CCNY: variants seen among roughly 807,000 people sequenced by gnomAD.
CCNY encodes cyclin Y, also known as cyclin-Y.
Under a neutral mutation model 42.8 loss-of-function variants are expected in CCNY, and 19 were observed. The observed-to-expected ratio is 0.44, with a 90% CI of 0.31 to 0.65. The LOEUF (loss-of-function observed/expected upper bound fraction) is 0.65, where lower values mean the gene tolerates loss of function less well. Ranked by LOEUF, CCNY falls within the 30% of genes least tolerant of loss-of-function variation. The pLI is 0.07. For missense variants in CCNY, 370 were observed against 437.3 expected (o/e 0.85, Z 1.37); for synonymous variants, 165 against 162.7 (o/e 1.01, Z -0.11).
At chr10:35,507,167 A>C (rs937589235) in intron 3 of CCNY, among the ~76,000 whole-genome samples, 1 of 152,216 alleles carries the variant, frequency 6.6e-6, no homozygotes, top group African/African-American at 2.4e-5. Flanking sequence ...GGAGCATTCT[A>C]CTTGAAGCAG....
At chr10:35,480,444 A>G (rs192406055) in intron 1 of CCNY, among the ~76,000 whole-genome samples, 5 of 152,244 alleles carry the variant, frequency 3.3e-5, no homozygotes, top group Admixed American at 2.6e-4. Context: ...CGAGGGTGCC[A>G]TCGCTCAGGA....
At chr10:35,268,602 G>A (rs1260932907) in intron 3 of CCNY, among the ~76,000 whole-genome samples, 1 of 152,164 alleles carries the variant, frequency 6.6e-6, no homozygotes, top group East Asian at 1.9e-4. Flanking sequence ...ATTCTAGCCA[G>A]GGCTCTCTGC....
intron 1 of CCNY, among the ~76,000 whole-genome samples, chr10:35,368,861 GT>G (rs1185580343): frequency 2.0e-5 from 3 of 152,248 alleles, no homozygotes; most frequent in African/African-American, 7.2e-5. Context: ...GTGCTCGGAG[GT>G]ACCAGAGGAA....
rs568060323 is a variant in CCNY, at chr10:35,251,280, G to C, written c.-9+654G>C. On this transcript the variant is annotated intron_variant, in intron 3 of 11. Coordinates refer to the CCNY transcript ENST00000374706. The stretch of plus-strand genomic sequence containing the variant: ...TAAATATAATGTTACATACATATGA[G>C]CAAATATAATATTAAATTCCTTAGT... 1.5e-4 allele frequency among the ~76,000 whole-genome samples: 23 copies of C among 152,154 alleles called. No individual in the cohort carries two copies. The South Asian group carries it at 4.1e-3, about 27-fold the overall frequency.
intron 3 of CCNY, among the ~76,000 whole-genome samples, chr10:35,318,928 A>C (rs891313394): frequency 6.6e-6 from 1 of 152,166 alleles, no homozygotes; most frequent in Non-Finnish European, 1.5e-5. Context: ...ACTGATAATT[A>C]AATTTCCTTA....
chr10:35,548,559 G>T (rs893489810), intron 7 of CCNY, among the ~76,000 whole-genome samples: 2 of 152,028 alleles, frequency 1.3e-5, no homozygotes, highest in African/African-American at 4.8e-5. Flanking sequence ...GCCTCCCGAC[G>T]TGCTGGGATT....
chr10:35,418,283 CT>C (rs1276429603), intron 1 of CCNY, among the ~76,000 whole-genome samples: 1 of 152,086 alleles, frequency 6.6e-6, no homozygotes, highest in Non-Finnish European at 1.5e-5. Context: ...CTGTGTCTGC[CT>C]GTAGCCGGGG....
intron 5 of CCNY, among the ~76,000 whole-genome samples, chr10:35,526,617 C>A (rs1405471583): frequency 6.6e-6 from 1 of 151,570 alleles, no homozygotes; most frequent in Non-Finnish European, 1.5e-5. Context: ...ATTGGAGAAC[C>A]AAAATGTATT....
At chr10:35,557,773 A>G (rs746432394) in intron 8 of CCNY, among the ~76,000 whole-genome samples, 1 of 152,210 alleles carries the variant, frequency 6.6e-6, no homozygotes, top group African/African-American at 2.4e-5. Flanking sequence ...AAAAAAAGTC[A>G]GTATAAATTA....
chr10:35,311,333 CA>C (rs922775116), intron 3 of CCNY, among the ~76,000 whole-genome samples: 1 of 150,940 alleles, frequency 6.6e-6, no homozygotes, highest in African/African-American at 2.4e-5. Flanking sequence ...ACAACAACAA[CA>C]AAAAAATACA....
chr10:35,439,520 TTC>T (rs928682974), intron 1 of CCNY, among the ~76,000 whole-genome samples: 5 of 151,728 alleles, frequency 3.3e-5, no homozygotes, highest in African/African-American at 1.2e-4. Context: ...TGCTGCCTCT[TTC>T]TCTCTCTCTC....
chr10:35,496,590 G>A (rs972488787), intron 2 of CCNY, among the ~76,000 whole-genome samples: 5 of 152,078 alleles, frequency 3.3e-5, no homozygotes, highest in Admixed American at 6.5e-5. Context: ...CAAAACTTTG[G>A]GGGGTGCTGA....
chr10:35,474,436 G>A (rs1322824110), intron 1 of CCNY, among the ~76,000 whole-genome samples: 3 of 152,190 alleles, frequency 2.0e-5, no homozygotes, highest in South Asian at 2.1e-4. Flanking sequence ...CTCCCAGTAC[G>A]CAGCTGGAGA....
chr10:35,472,002 T>C (rs1348856751), intron 1 of CCNY, among the ~76,000 whole-genome samples: 3 of 152,232 alleles, frequency 2.0e-5, no homozygotes, highest in African/African-American at 7.2e-5. Context: ...AGAACAGAAA[T>C]TGTGTAATGA....
intron 1 of CCNY, among the ~76,000 whole-genome samples, chr10:35,418,396 A>T (rs1420837603): frequency 6.6e-6 from 1 of 152,188 alleles, no homozygotes; most frequent in Non-Finnish European, 1.5e-5. Context: ...AGGAGGGAAG[A>T]TGGAGAGAAC....
upstream of CCNY, among the ~76,000 whole-genome samples, chr10:35,333,764 C>T (rs979781313): frequency 3.2e-4 from 49 of 152,158 alleles, no homozygotes; most frequent in Non-Finnish European, 2.2e-4. Context: ...ATCATTTTGA[C>T]ATCACATTTA....
intron 1 of CCNY, among the ~76,000 whole-genome samples, chr10:35,429,293 GT>G (rs1838334471): frequency 6.6e-6 from 1 of 152,134 alleles, no homozygotes; most frequent in South Asian, 2.1e-4. Context: ...ACCAGTTTTT[GT>G]TTTGAGAAAG....
chr10:35,414,675 C>G (rs759213957), intron 1 of CCNY, among the ~76,000 whole-genome samples: 26 of 152,156 alleles, frequency 1.7e-4, no homozygotes, highest in Non-Finnish European at 3.1e-4. Flanking sequence ...ATCTTGTAAT[C>G]GTGAGACTTT....
chr10:35,256,527 T>A (rs148544088), intron 3 of CCNY, among the ~76,000 whole-genome samples: 9,394 of 150,954 alleles, frequency 0.062, 337 homozygotes, highest in Non-Finnish European at 0.077. Context: ...AGGTCAGGAG[T>A]TCAAGACCAG....
Sources: allele counts gnomAD v4.1 joint callset (sites outside exome capture counted in the v4.1 genomes callset), GRCh38; gene constraint gnomAD v4.1.1; transcripts MANE v1.5; gene names NCBI Gene and HGNC (gene_info 2026-07-23, HGNC 2026-07-21).